Variants in CELF2 observed in about 807,000 individuals in gnomAD.
The protein encoded by CELF2 is CUG triplet repeat RNA-binding protein 2.
In CELF2, 8 loss-of-function variants were observed where a neutral mutation model predicts 62.6. The ratio of observed to expected loss-of-function variants is 0.13; its 90% CI spans 0.07 to 0.23. The LOEUF is 0.23. CELF2 is among the 10% of genes least tolerant of loss of function. The pLI is 1.00. For missense variants in CELF2, 333 were observed against 671.0 expected, an observed-to-expected ratio of 0.50 and a Z score of 5.56; for synonymous variants, 258 against 250.0, an observed-to-expected ratio of 1.03 and a Z score of -0.30.
chr10:11,293,318 C>G (rs2092758404), intron 9 of CELF2, among the ~76,000 whole-genome samples: 1 of 152,246 alleles, frequency 6.6e-6, no homozygotes, highest in Non-Finnish European at 1.5e-5. Flanking sequence ...GTTTATGCTG[C>G]TTCTGTAATT....
At chr10:11,083,924 C>T (rs2074710697) in intron 1 of CELF2, among the ~76,000 whole-genome samples, 1 of 152,176 alleles carries the variant, frequency 6.6e-6, no homozygotes, top group Non-Finnish European at 1.5e-5. Context: ...CTTCCCGTTG[C>T]CAGTCTCAGC....
intron 1 of CELF2, among the ~76,000 whole-genome samples, chr10:11,142,875 G>A (rs1464430506): frequency 2.6e-5 from 4 of 152,000 alleles, no homozygotes; most frequent in Non-Finnish European, 5.9e-5. Context: ...CCCTCCACTG[G>A]GGGGACTCAG....
At chr10:11,141,201 G>A (rs1428979675) in intron 1 of CELF2, among the ~76,000 whole-genome samples, 1 of 152,176 alleles carries the variant, frequency 6.6e-6, no homozygotes, top group Non-Finnish European at 1.5e-5. Flanking sequence ...TCCTAGCACA[G>A]TGCCCCCTAA....
At chr10:10,513,786 C>G in the CELF2 span, among the ~76,000 whole-genome samples, 1 of 152,140 alleles carries the variant, frequency 6.6e-6, no homozygotes, top group Non-Finnish European at 1.5e-5. Context: ...CTGCATTAGA[C>G]CCATAGAAGG....
At chr10:11,288,586 A>G (rs1288886532) in intron 9 of CELF2, 34 bp downstream of exon 9, 1 of 1,610,120 alleles carries the variant, frequency 6.2e-7, no homozygotes, top group Non-Finnish European at 8.5e-7. Flanking sequence ...CTTGCAGGTG[A>G]TGCAGCAGGA....
chr10:10,966,029 T>G (rs2050088352), intron 2 of CELF2, among the ~76,000 whole-genome samples: 1 of 152,216 alleles, frequency 6.6e-6, no homozygotes, highest in African/African-American at 2.4e-5. Flanking sequence ...CTACTTACTG[T>G]GCTTCCAAAG....
At chr10:10,904,258 CTTCT>C (rs10572973) in intron 1 of CELF2, among the ~76,000 whole-genome samples, 39,411 of 151,018 alleles carry the variant, frequency 0.26, 5,825 homozygotes, top group East Asian at 0.65. Context: ...ACAGGGTCTC[CTTCT>C]GTCACCCAGG....
At chr10:10,955,333 A>G (rs2048775877) in intron 2 of CELF2, among the ~76,000 whole-genome samples, 1 of 152,230 alleles carries the variant, frequency 6.6e-6, no homozygotes, top group Admixed American at 6.5e-5. Flanking sequence ...TGGGGGCCTC[A>G]TGTGAATTGA....
chr10:11,114,587 C>T (rs1022471837), intron 1 of CELF2, among the ~76,000 whole-genome samples: 1 of 152,144 alleles, frequency 6.6e-6, no homozygotes, highest in African/African-American at 2.4e-5. Flanking sequence ...TCAATGCAGT[C>T]AAATATCTGT....
At chr10:11,251,929 G>T (rs1053571912) in intron 4 of CELF2, among the ~76,000 whole-genome samples, 9 of 152,214 alleles carry the variant, frequency 5.9e-5, no homozygotes, top group Admixed American at 2.0e-4. Flanking sequence ...TTATACCGAA[G>T]CATAGCTCTG....
chr10:11,041,413 A>C (rs1035035679), intron 1 of CELF2, among the ~76,000 whole-genome samples: 1 of 152,188 alleles, frequency 6.6e-6, no homozygotes, highest in Non-Finnish European at 1.5e-5. Flanking sequence ...CCCACTGGCT[A>C]TGAATAATGG....
upstream of CELF2, among the ~76,000 whole-genome samples, chr10:11,015,513 A>C (rs963119317): frequency 1.1e-4 from 17 of 152,246 alleles, no homozygotes; most frequent in African/African-American, 3.9e-4. The surrounding 1 kb of genome is among the most constrained non-coding windows in gnomAD (Gnocchi z 4.8). Context: ...AAGTATTTAA[A>C]GTCAGATGCA....
the CELF2 span, among the ~76,000 whole-genome samples, chr10:10,647,949 C>T: frequency 6.6e-6 from 1 of 152,120 alleles, no homozygotes; most frequent in Non-Finnish European, 1.5e-5. Flanking sequence ...GAGAAAAGCA[C>T]CTGCATTTTG....
At chr10:10,658,922 A>G in the CELF2 span, among the ~76,000 whole-genome samples, 1 of 152,204 alleles carries the variant, frequency 6.6e-6, no homozygotes, top group African/African-American at 2.4e-5. Flanking sequence ...GTGCAATGAA[A>G]GAGCTTTCTC....
intron 2 of CELF2, among the ~76,000 whole-genome samples, chr10:10,932,245 T>C (rs1043875102): frequency 7.9e-5 from 12 of 152,280 alleles, no homozygotes; most frequent in Non-Finnish European, 1.5e-4. Flanking sequence ...GCATGGGGGC[T>C]GGACAAGGTA....
At chr10:10,822,146 G>A (rs1258575958) in intron 1 of CELF2, among the ~76,000 whole-genome samples, 2 of 152,172 alleles carry the variant, frequency 1.3e-5, no homozygotes, top group Non-Finnish European at 2.9e-5. Flanking sequence ...TAGAGCCTGT[G>A]TTTCCTCTGC....
chr10:11,132,645 A>G (rs1337903237), intron 1 of CELF2, among the ~76,000 whole-genome samples: 1 of 152,200 alleles, frequency 6.6e-6, no homozygotes, highest in Non-Finnish European at 1.5e-5. Context: ...CCTAATATCC[A>G]TAATGCAGTC....
chr10:11,266,701 T>A, intron 6 of CELF2, 24 bp downstream of exon 6: 1 of 1,589,620 alleles, frequency 6.3e-7, no homozygotes, highest in Non-Finnish European at 8.6e-7. Context: ...TGCCCTTTCT[T>A]TGTTTTCTTT....
At chr10:10,921,255 A>G (rs1207685568) in intron 2 of CELF2, among the ~76,000 whole-genome samples, 1 of 150,252 alleles carries the variant, frequency 6.7e-6, no homozygotes, top group Non-Finnish European at 1.5e-5. Context: ...GTGCCCGGCC[A>G]GGTGTTTGTT....
Sources: gnomAD v4.1 joint callset for allele counts (sites outside exome capture counted in the v4.1 genomes callset) on GRCh38, gnomAD v4.1.1 for gene constraint, Gnocchi (gnomAD v3.1) non-coding constraint, MANE v1.5 for transcripts, NCBI Gene and HGNC (gene_info 2026-07-23, HGNC 2026-07-21) for gene names.